The following COL18A1 variants were observed in gnomAD, a reference collection of about 807,000 sequenced individuals.
COL18A1 encodes collagen alpha-1(XVIII) chain.
COL18A1 carries 133 observed loss-of-function variants against 168.0 expected under a neutral mutation model. That is an observed-to-expected ratio of 0.79 (90% CI 0.69 to 0.91). The LOEUF is 0.91. Among genes scored for constraint, COL18A1 ranks in the 40% least tolerant of loss-of-function variants. COL18A1 has a pLI of 0.00. For synonymous variants in COL18A1, 949 were observed against 809.0 expected, an observed-to-expected ratio of 1.17 and a Z score of -2.94; for missense variants, 2,126 against 1,925.4, an observed-to-expected ratio of 1.10 and a Z score of -1.95.
At chr21:45,418,151 G>C (rs1193238978) in intron 2 of COL18A1, among the ~76,000 whole-genome samples, 1 of 152,258 alleles carries the variant, frequency 6.6e-6, no homozygotes, top group African/African-American at 2.4e-5. Flanking sequence ...CCCTTCCAGG[G>C]GAGCCGGCTC....
chr21:45,460,574 C>T (rs1038756141), intron 2 of COL18A1, among the ~76,000 whole-genome samples: 5 of 152,242 alleles, frequency 3.3e-5, no homozygotes, highest in Non-Finnish European at 7.3e-5. Flanking sequence ...ATGGGCCAGC[C>T]ACTGGCACAC....
intron 2 of COL18A1, among the ~76,000 whole-genome samples, chr21:45,439,914 T>A (rs1408656517): frequency 6.6e-6 from 1 of 152,000 alleles, no homozygotes; most frequent in Non-Finnish European, 1.5e-5. Flanking sequence ...GAGATGGGAG[T>A]GTTTGTCTGA....
intron 12 of COL18A1, 57 bp downstream of exon 12, chr21:45,480,577 C>T (rs948661359): frequency 6.2e-7 from 1 of 1,613,840 alleles, no homozygotes; most frequent in South Asian, 1.1e-5. Context: ...AGGAACAGGC[C>T]ATGGACCCCC....
chr21:45,489,040 G>A (rs1404504766), intron 18 of COL18A1, among the ~76,000 whole-genome samples: 1 of 152,194 alleles, frequency 6.6e-6, no homozygotes, highest in Non-Finnish European at 1.5e-5. Flanking sequence ...CTGCGTGCGG[G>A]GCCAAGGGCG....
intron 29 of COL18A1, chr21:45,495,961 C>T: frequency 6.0e-6 from 2 of 333,496 alleles, no homozygotes; most frequent in Non-Finnish European, 1.2e-5. Context: ...TGCACACATA[C>T]ATATACACAT....
chr21:45,507,454 G>C (rs1414345912), intron 37 of COL18A1, 107 bp from the exon 38 acceptor site: 3 of 610,670 alleles, frequency 4.9e-6, no homozygotes, highest in East Asian at 4.9e-5. Flanking sequence ...CCTCCTGTGG[G>C]CTGGGAGGGC....
At chr21:45,505,787 G>GCCCCCCCCCCCC in intron 36 of COL18A1, 51 bp from the exon 37 acceptor site, 3 of 1,248,156 alleles carry the variant, frequency 2.4e-6, no homozygotes, top group Admixed American at 2.0e-5. Context: ...TTCCGCCCCT[G>GCCCCCCCCCCCC]CCCCCCGCCC....
At position 45,405,446 on chromosome 21, in the gene COL18A1, G is replaced by C. The variant is rs1370627844; in HGVS notation, c.79G>C (p.Gly27Arg). The change falls in exon 2 of 42, where the codon GGG becomes CGG. Residue 27 changes from glycine to arginine, a missense_variant. Coordinates refer to ENST00000651438, the MANE Select transcript of COL18A1 (RefSeq NM_001379500.1). ...DVLAPLVLLL[G>R]VRAASAEPER... ...GCTCGCGCCCCTGGTCCTGCTGCTC[G>C]GGGTCCGCGCGGCCTCCGCGGAGCC... 2.2e-6 allele frequency: 3 copies of C among 1,381,150 alleles called. No homozygotes were observed. The highest frequency in any genetic ancestry group is 2.6e-5 in the Admixed American group (1 of 38,976). 85.6% of individuals were successfully genotyped at this position (1,381,150 alleles called of 1,614,324 possible).
intron 2 of COL18A1, chr21:45,456,525 G>A: frequency 6.5e-7 from 1 of 1,548,074 alleles, no homozygotes. Context: ...GCCCCCGCCG[G>A]TCGCTGCCTG....
chr21:45,456,801 G>C (rs1400598469), intron 2 of COL18A1: 1 of 1,539,408 alleles, frequency 6.5e-7, no homozygotes. Context: ...AGCCGCCTGG[G>C]CGGGGGCCGG....
At chr21:45,503,595 A>G (rs995344686) in intron 32 of COL18A1, among the ~76,000 whole-genome samples, 3 of 134,968 alleles carry the variant, frequency 2.2e-5, no homozygotes, top group East Asian at 2.3e-4. Flanking sequence ...ATGAGATCAC[A>G]TGGACACAGG....
intron 32 of COL18A1, 50 bp from the exon 33 acceptor site, chr21:45,503,961 G>A (rs576905197): frequency 1.9e-6 from 3 of 1,610,276 alleles, no homozygotes; most frequent in Non-Finnish European, 2.5e-6. Context: ...AGGGAACCCG[G>A]CGCTGTCAGA....
chr21:45,413,618 T>C (rs1012236991), intron 2 of COL18A1, among the ~76,000 whole-genome samples: 1 of 152,194 alleles, frequency 6.6e-6, no homozygotes, highest in African/African-American at 2.4e-5. Context: ...GAACATCCGC[T>C]TCCTTTCTGT....
chr21:45,483,809 T>C (rs1372134695), intron 15 of COL18A1, among the ~76,000 whole-genome samples: 1 of 152,046 alleles, frequency 6.6e-6, no homozygotes. Context: ...AGTCAGGTGG[T>C]GAGAGCACTT....
At chr21:45,488,718 T>C (rs1302933553) in intron 18 of COL18A1, among the ~76,000 whole-genome samples, 1 of 152,066 alleles carries the variant, frequency 6.6e-6, no homozygotes, top group African/African-American at 2.4e-5. Flanking sequence ...ACCTGAAGCA[T>C]ATTCTCAGAC....
intron 41 of COL18A1, among the ~76,000 whole-genome samples, chr21:45,511,557 A>G (rs148325700): frequency 7.6e-4 from 116 of 152,246 alleles, no homozygotes; most frequent in Non-Finnish European, 1.3e-3. Context: ...ATTCACCGAG[A>G]ATAAACTCCT....
rs564304088 is a variant in COL18A1, at chr21:45,452,847, ATGTATG to A, written c.107-15391_107-15386del. ...GCATGTATGACATGTGTAAACATGT[ATGTATG>A]TGTGGGGCTTGTGTATGCATGTGAG... On this transcript the variant is annotated intron_variant, in intron 2 of 41. Coordinates refer to ENST00000651438, the MANE Select transcript of COL18A1 (RefSeq NM_001379500.1). Among the ~76,000 whole-genome samples the A allele has an allele frequency of 2.9e-4, 37 of 127,192 alleles. No homozygotes were observed. The East Asian group carries it at 5.8e-3, about 20-fold the overall frequency. The allele number at this position is 127,192 out of a possible 152,430, so 83.4% of individuals were successfully genotyped here. A position where few individuals can be genotyped will look rare whatever the true frequency, so the allele number is the denominator to read the frequency against.
intron 2 of COL18A1, among the ~76,000 whole-genome samples, chr21:45,419,451 G>T (rs1408652777): frequency 6.6e-6 from 1 of 152,236 alleles, no homozygotes; most frequent in African/African-American, 2.4e-5. Context: ...GGCTCCAAAG[G>T]CTTGGGTCTG....
intron 2 of COL18A1, among the ~76,000 whole-genome samples, chr21:45,460,436 G>A (rs2035003244): frequency 6.6e-6 from 1 of 152,206 alleles, no homozygotes; most frequent in Non-Finnish European, 1.5e-5. Flanking sequence ...CCTGGGCTGG[G>A]GCTTCCTCTG....
Sources: allele counts gnomAD v4.1 joint callset (sites outside exome capture counted in the v4.1 genomes callset), GRCh38; gene constraint gnomAD v4.1.1; transcripts MANE v1.5; gene names NCBI Gene and HGNC (gene_info 2026-07-23, HGNC 2026-07-21).